TM6SF2: variants seen among roughly 807,000 people sequenced by gnomAD.
The protein encoded by TM6SF2 is transmembrane 6 superfamily member 2.
A neutral mutation model predicts 41.0 loss-of-function variants in TM6SF2; 29 were observed. That is an observed-to-expected ratio of 0.71 (90% CI 0.53 to 0.96). TM6SF2 has a LOEUF of 0.96. Ranked by LOEUF, TM6SF2 falls within the 50% of genes least tolerant of loss-of-function variation. The pLI is 0.00. For synonymous variants in TM6SF2, 200 were observed against 209.1 expected, an observed-to-expected ratio of 0.96 and a Z score of 0.37; for missense variants, 475 against 499.0, an observed-to-expected ratio of 0.95 and a Z score of 0.46.
In TM6SF2 at chr19:19,268,727, G is replaced by T; in HGVS notation, c.512C>A (p.Ala171Asp). The part of the protein sequence containing the change: ...LGKYSSEIRP[A>D]FFLTIPYLLV... ...CAGGTAGGGGATGGTGAGGAAGAAGGCAGGCCTGATCTCGGAGCTGTATTT... is the reference window on the plus strand; with the variant it reads ...CAGGTAGGGGATGGTGAGGAAGAAGTCAGGCCTGATCTCGGAGCTGTATTT... Residue 171 changes from alanine (A) to aspartate (D), a missense_variant, in exon 6 of 10, where the codon GCC (alanine) becomes GAC (aspartate). By Grantham distance (126) the Ala-to-Asp change is moderately radical. Transcript: ENST00000389363. 6.2e-7 allele frequency: 1 copy of T among 1,605,226 alleles called. No individual in the cohort carries two copies. Among genetic ancestry groups the T allele is most frequent in the Non-Finnish European group, 8.5e-7 (1 of 1,176,958 alleles).
chr19:19,268,185 TTTTTTTCTTTTTTTTC>T (rs1201792281), intron 6 of TM6SF2, 98 bp from the exon 7 acceptor site: 45 of 744,980 alleles, frequency 6.0e-5, no homozygotes, highest in Middle Eastern at 5.4e-4. Context: ...CCCTTCTTTC[TTTTTTTCTTTTTTTTC>T]TTTTTTCTTT....
At chr19:19,268,510 C>T in intron 6 of TM6SF2, 120 bp downstream of exon 6, 4 of 1,405,134 alleles carry the variant, frequency 2.8e-6, no homozygotes, top group Non-Finnish European at 3.8e-6. Context: ...ACCCAGCCCT[C>T]CCTTCTTTCT....
At position 19,268,740 on chromosome 19, in the gene TM6SF2, C is replaced by T. The variant is rs58542926; in HGVS notation, c.499G>A (p.Glu167Lys). Reference sequence around the variant, plus strand: ...GTGAGGAAGAAGGCAGGCCTGATCTCGGAGCTGTATTTGCCTTCCATGGTG... The same window carrying T: ...GTGAGGAAGAAGGCAGGCCTGATCTTGGAGCTGTATTTGCCTTCCATGGTG... ...TGNILGKYSS[E>K]IRPAFFLTIP... The change falls in exon 6 of 10, where the codon GAG becomes AAG. Residue 167 changes from glutamate to lysine, a missense_variant. Glu to Lys is a moderately conservative substitution (Grantham distance 56). Around this residue, in one of 3 missense-constraint regions of TM6SF2, gnomAD observed 238 missense variants for 228.6 expected, o/e 1.04. Coordinates refer to ENST00000389363, the MANE Select transcript of TM6SF2 (RefSeq NM_001001524.3). 113,660 of 1,603,508 alleles carry T rather than the reference C, an allele frequency of 0.071. 4,135 individuals are homozygous for T. Among genetic ancestry groups the T allele is most frequent in the South Asian group, 0.091 (8,106 of 89,404 alleles).
chr19:19,272,974 T>A, intron 1 of TM6SF2, 147 bp downstream of exon 1: 3 of 553,002 alleles, frequency 5.4e-6, no homozygotes, highest in Non-Finnish European at 8.7e-6. Context: ...ACCCCAATCC[T>A]GCCGGGTCGG....
intron 6 of TM6SF2, 107 bp downstream of exon 6, chr19:19,268,523 T>G: frequency 6.9e-7 from 1 of 1,443,470 alleles, no homozygotes; most frequent in Non-Finnish European, 9.1e-7. Context: ...TTCTTTCTTG[T>G]GACAAAGGAG....
chr19:19,264,749 A>T lies in TM6SF2; in HGVS notation c.1049T>A (p.Leu350Gln). The T allele has an allele frequency of 1.2e-6, 2 of 1,607,620 alleles. No individual in the cohort carries two copies. The highest frequency in any genetic ancestry group is 1.7e-6 in the Non-Finnish European group (2 of 1,177,114). Reference sequence around the variant, plus strand: ...GGGCCACTGAAGGCAACGGTAGGCCAGCAGGTGGGGGCCCAGCGCATACAG... The same window carrying T: ...GGGCCACTGAAGGCAACGGTAGGCCTGCAGGTGGGGGCCCAGCGCATACAG... ...NLLYALGPHL[L>Q]AYRCLQWPAF... The change falls in exon 10 of 10, where the codon CTG becomes CAG. Residue 350 changes from leucine to glutamine, a missense_variant. Leu to Gln is a moderately radical substitution (Grantham distance 113). Around this residue, in one of 3 missense-constraint regions of TM6SF2, gnomAD observed 190 missense variants for 190.2 expected, o/e 1.00. Coordinates refer to ENST00000389363, the MANE Select transcript of TM6SF2 (RefSeq NM_001001524.3).
At chr19:19,271,189 C>G in intron 1 of TM6SF2, 64 bp from the exon 2 acceptor site, 1 of 1,328,544 alleles carries the variant, frequency 7.5e-7, no homozygotes, top group South Asian at 1.2e-5. Context: ...CCCACTCTCC[C>G]TGGTGGGGGA....
rs1290747656 is a variant in TM6SF2 at position 19,270,417 on chromosome 19, C to T, written c.225G>A (p.Ser75=). 3.1e-6 allele frequency: 5 copies of T among 1,613,050 alleles called. No homozygotes were observed. The highest frequency in any genetic ancestry group is 3.4e-6 in the Non-Finnish European group (4 of 1,179,580). ...YAVFAVFAFT[S]VVDLIIALQE... The stretch of plus-strand genomic sequence containing the variant: ...GAAGAGCGATGATGAGGTCCACAAC[C>T]GAGGTGAAGGCGAAGACAGCGAAGA... Residue 75 remains serine (S), a synonymous_variant, in exon 3 of 10, where the codon TCG becomes TCA. Coordinates refer to ENST00000389363, the MANE Select transcript of TM6SF2 (RefSeq NM_001001524.3).
At position 19,267,637 on chromosome 19, in the gene TM6SF2, G is replaced by A. The variant is rs1257035007; in HGVS notation, c.788C>T (p.Ala263Val). 5 of 1,613,594 alleles carry A rather than the reference G, an allele frequency of 3.1e-6. No individual in the cohort carries two copies. The highest frequency in any genetic ancestry group is 4.2e-6 in the Non-Finnish European group (5 of 1,179,810). ...CCCTCTCACCTGCACCTTAGGGTAG[G>A]CCACAGGGTCCCGCAGGTATGGCTC... ...QYEPYLRDPVAYPKVQMLMYM... is the reference protein window; with the variant it reads ...QYEPYLRDPVVYPKVQMLMYM... Residue 263 changes from alanine to valine, a missense_variant, in exon 8 of 10, where the codon GCC (alanine) becomes GTC (valine). Physicochemically the swap from Ala to Val is moderately conservative, Grantham distance 64. Around this residue, in one of 3 missense-constraint regions of TM6SF2, gnomAD observed 190 missense variants for 190.2 expected, o/e 1.00. Coordinates refer to ENST00000389363, the MANE Select transcript of TM6SF2 (RefSeq NM_001001524.3).
chr19:19,265,360 T>TTCTATCTA (rs548804768), intron 9 of TM6SF2, among the ~76,000 whole-genome samples: 9,553 of 140,394 alleles, frequency 0.068, 388 homozygotes, highest in East Asian at 0.1. Context: ...TTTTTAAAAT[T>TTCTATCTA]TCTATCTATC....
chr19:19,269,608 G>C (rs2061015533), intron 5 of TM6SF2, 79 bp downstream of exon 5: 9 of 1,550,542 alleles, frequency 5.8e-6, no homozygotes, highest in Non-Finnish European at 7.1e-6. Flanking sequence ...AGGGATGGAG[G>C]ATCCAATGGG....
rs184613047 is a variant in TM6SF2 at position 19,264,587 on chromosome 19, A to G, written c.*77T>C. The G allele has an allele frequency of 4.5e-4, 576 of 1,280,846 alleles. 7 individuals are homozygous for G. The East Asian group carries it at 0.016, about 36-fold the overall frequency. The allele number at this position is 1,280,846 out of a possible 1,614,324, so 79.3% of individuals were successfully genotyped here. On this transcript the variant is annotated 3_prime_UTR_variant, in exon 10 of 10. Transcript: ENST00000389363. Reference sequence around the variant, plus strand: ...CGGAGATGTCCCTCCTGTCTCTAAAACACCCAACCCCCGCTTCCCCAGGTA... The same window carrying G: ...CGGAGATGTCCCTCCTGTCTCTAAAGCACCCAACCCCCGCTTCCCCAGGTA...
chr19:19,269,679 G>T lies in TM6SF2; in HGVS notation c.484+8C>A. 1 of 1,614,088 alleles carries T rather than the reference G, an allele frequency of 6.2e-7. No individual in the cohort carries two copies. The highest frequency in any genetic ancestry group is 8.5e-7 in the Non-Finnish European group (1 of 1,179,986). ...GAGAACCTGGATTTCCCAAAGCCTT[G>T]TCCTTACCAAGAATGTTTCCTGTAA... On this transcript the variant is annotated splice_region_variant and intron_variant, in intron 5 of 9. Coordinates refer to ENST00000389363, the MANE Select transcript of TM6SF2 (RefSeq NM_001001524.3).
chr19:19,273,133 G>C lies in TM6SF2; in HGVS notation c.83C>G (p.Ser28Trp). ...TCTCCGCACGCACTGCGAGAGCGCC[G>C]AGACGTGGTTGAGCGCGTAGGACAC... Reference protein sequence around the residue: ...LPVSYALNHVSALSHPLWVAL... With the variant: ...LPVSYALNHVWALSHPLWVAL... Residue 28 changes from serine (S) to tryptophan (W), a missense_variant, in exon 1 of 10, where the codon TCG becomes TGG. Ser to Trp is a radical substitution (Grantham distance 177). Coordinates refer to ENST00000389363, the MANE Select transcript of TM6SF2 (RefSeq NM_001001524.3). 2.2e-6 allele frequency: 3 copies of C among 1,335,988 alleles called. No homozygotes were observed. Among genetic ancestry groups the C allele is most frequent in the Non-Finnish European group, 2.9e-6 (3 of 1,029,782 alleles). The allele number at this position is 1,335,988 out of a possible 1,614,324, so 82.8% of individuals were successfully genotyped here.
Position 19,264,786 on chromosome 19 carries a change from C to A in TM6SF2, c.1012G>T (p.Val338Leu). The A allele has an allele frequency of 6.2e-7, 1 of 1,610,114 alleles. No individual in the cohort carries two copies. Among genetic ancestry groups the A allele is most frequent in the Non-Finnish European group, 8.5e-7 (1 of 1,178,362 alleles). ...CCCAGCGCATACAGCAGATTGCACA[C>A]GAAGAAGCAGCCCCAGGTGTCCTCA... ...VPEDTWGCFF[V>L]CNLLYALGPH... Residue 338 changes from valine to leucine, a missense_variant, in exon 10 of 10, where the codon GTG becomes TTG. Val to Leu is a conservative substitution (Grantham distance 32). This residue lies in a region of TM6SF2 where 190 missense variants were observed against 190.2 expected (regional missense o/e 1.00). Coordinates refer to ENST00000389363, the MANE Select transcript of TM6SF2 (RefSeq NM_001001524.3).
intron 6 of TM6SF2, among the ~76,000 whole-genome samples, chr19:19,268,341 G>A (rs1599837288): frequency 6.6e-6 from 1 of 151,798 alleles, no homozygotes; most frequent in African/African-American, 2.4e-5. Flanking sequence ...GAATAGCTGG[G>A]ACCACAGGCA....
At chr19:19,270,558 G>A (rs935837682) in intron 2 of TM6SF2, 116 bp from the exon 3 acceptor site, 3 of 1,302,354 alleles carry the variant, frequency 2.3e-6, no homozygotes, top group Non-Finnish European at 3.2e-6. Flanking sequence ...TTCCAGGCAA[G>A]GACTCCAGGC....
Position 19,270,284 on chromosome 19 carries a change from G to A in TM6SF2, c.298-8C>T, listed in dbSNP as rs761921380. ...GCGCAGGTATGGCTCTCCCTGTGGG[G>A]GCAGGTGGGAGACTCAGACGGGCAG... On this transcript the variant is annotated splice_polypyrimidine_tract_variant and splice_region_variant and intron_variant, in intron 3 of 9. Coordinates refer to ENST00000389363, the MANE Select transcript of TM6SF2 (RefSeq NM_001001524.3). 6.2e-6 allele frequency: 10 copies of A among 1,614,232 alleles called. No homozygotes were observed. In the East Asian group the frequency reaches 8.9e-5, roughly 14 times the overall value.
At chr19:19,266,393 T>C in intron 9 of TM6SF2, 97 bp downstream of exon 9, 1 of 1,517,454 alleles carries the variant, frequency 6.6e-7, no homozygotes, top group Non-Finnish European at 8.9e-7. Context: ...TCTTGGGGGC[T>C]CATCATTACA....
Sources: allele counts gnomAD v4.1 joint callset (sites outside exome capture counted in the v4.1 genomes callset), GRCh38; gene constraint gnomAD v4.1.1; regional missense constraint gnomAD v4.1.1; transcripts MANE v1.5; gene names NCBI Gene and HGNC (gene_info 2026-07-23, HGNC 2026-07-21).